IGDCC3: variants seen among roughly 807,000 people sequenced by gnomAD.
IGDCC3 encodes the protein putative neuronal cell adhesion molecule.
In IGDCC3, 47 loss-of-function variants were observed where a neutral mutation model predicts 72.0. That is an observed-to-expected ratio of 0.65 (90% CI 0.52 to 0.83). IGDCC3 has a LOEUF of 0.83. Ranked by LOEUF, IGDCC3 falls within the 40% of genes least tolerant of loss-of-function variation. The pLI is 0.00. For missense variants in IGDCC3, 1,038 were observed against 1,091.3 expected (o/e 0.95, Z 0.69); for synonymous variants, 477 against 472.8 (o/e 1.01, Z -0.11).
chr15:65,377,589 C>G lies in IGDCC3; in HGVS notation c.103+97G>C. On this transcript the variant is annotated intron_variant, in intron 1 of 13. Transcript: ENST00000327987. This position sits in a 1 kb window ranked among gnomAD's most constrained non-coding sequence, Gnocchi z 4.9. ...GCGGGGTCCGCCCTCAGGTCCGCGCCGCTCTCCCCGGGTCCGCCCCTCGCG... is the reference window on the plus strand; with the variant it reads ...GCGGGGTCCGCCCTCAGGTCCGCGCGGCTCTCCCCGGGTCCGCCCCTCGCG... The G allele has an allele frequency of 8.3e-7, 1 of 1,211,628 alleles. No individual in the cohort carries two copies. Among genetic ancestry groups the G allele is most frequent in the Non-Finnish European group, 1.0e-6 (1 of 954,194 alleles). The allele number at this position is 1,211,628 out of a possible 1,614,324, so 75.1% of individuals were successfully genotyped here.
At chr15:65,369,724 C>T (rs187692244) in intron 2 of IGDCC3, among the ~76,000 whole-genome samples, 28 of 152,190 alleles carry the variant, frequency 1.8e-4, no homozygotes, top group East Asian at 1.2e-3. Context: ...AGCAACTAAC[C>T]TCCAGGTGAT....
chr15:65,332,369 G>A lies in IGDCC3; in HGVS notation c.983-263C>T, dbSNP rs546085099. Reference sequence around the variant, plus strand: ...ATGACTATTTAAAAGACTGACATTTGTATCCGAAAGCAATCAAGCTGAACT... The same window carrying A: ...ATGACTATTTAAAAGACTGACATTTATATCCGAAAGCAATCAAGCTGAACT... On this transcript the variant is annotated intron_variant, in intron 6 of 13. Transcript: ENST00000327987. 2.6e-5 allele frequency among the ~76,000 whole-genome samples: 4 copies of A among 152,246 alleles called. No individual in the cohort carries two copies. In the South Asian group the frequency reaches 6.2e-4, roughly 24 times the overall value.
chr15:65,355,188 G>T (rs908528623), intron 2 of IGDCC3, among the ~76,000 whole-genome samples: 1 of 152,124 alleles, frequency 6.6e-6, no homozygotes, highest in Admixed American at 6.5e-5. Context: ...CCCCCGCGGG[G>T]CCCCACTGCA....
intron 1 of IGDCC3, among the ~76,000 whole-genome samples, chr15:65,376,503 C>T (rs2091359558): frequency 6.6e-6 from 1 of 152,244 alleles, no homozygotes; most frequent in South Asian, 2.1e-4. Context: ...GCTGGCCCCT[C>T]CCCAGCAGAC....
chr15:65,329,239 C>T lies in IGDCC3; in HGVS notation c.2206-91G>A. 1 of 1,513,220 alleles carries T rather than the reference C, an allele frequency of 6.6e-7. No individual in the cohort carries two copies. Among genetic ancestry groups the T allele is most frequent in the Non-Finnish European group, 8.8e-7 (1 of 1,130,844 alleles). The allele number at this position is 1,513,220 out of a possible 1,614,324, so 93.7% of individuals were successfully genotyped here. On this transcript the variant is annotated intron_variant, in intron 13 of 13. Coordinates refer to ENST00000327987, the MANE Select transcript of IGDCC3 (RefSeq NM_004884.4). The surrounding 1 kb of genome is among the most constrained non-coding windows in gnomAD (Gnocchi z 4.1). ...CACTTGGGCCTTAGGGTCTCCAGGT[C>T]TCCCTGCCTGACTCAGGGACACAAA...
intron 2 of IGDCC3, among the ~76,000 whole-genome samples, chr15:65,344,810 G>A (rs2091112808): frequency 6.6e-6 from 1 of 152,214 alleles, no homozygotes; most frequent in Admixed American, 6.5e-5. Context: ...TGGAGGGTGT[G>A]AAGTGTGCCT....
chr15:65,367,164 T>C (rs559647066), intron 2 of IGDCC3, among the ~76,000 whole-genome samples: 117 of 151,992 alleles, frequency 7.7e-4, no homozygotes, highest in African/African-American at 2.8e-3. Flanking sequence ...GCCAACATGG[T>C]GAAACCCCGT....
intron 2 of IGDCC3, among the ~76,000 whole-genome samples, chr15:65,361,388 G>A (rs924847917): frequency 4.6e-5 from 7 of 151,728 alleles, no homozygotes; most frequent in Non-Finnish European, 5.9e-5. Context: ...GCTGCAACAA[G>A]CCGCGATCGT....
intron 1 of IGDCC3, among the ~76,000 whole-genome samples, chr15:65,376,673 T>C (rs531880986): frequency 6.4e-4 from 95 of 148,660 alleles, no homozygotes; most frequent in African/African-American, 2.2e-3. Context: ...ATCGCACTTA[T>C]TCAAACCCCT....
chr15:65,370,614 G>GTGTA (rs1280197822), intron 2 of IGDCC3, among the ~76,000 whole-genome samples: 1 of 51,724 alleles, frequency 1.9e-5, no homozygotes, highest in African/African-American at 7.3e-5. Flanking sequence ...GTATATATAT[G>GTGTA]TATGTGTATA....
In IGDCC3 at chr15:65,347,937, A is replaced by AAACAAC. The variant is rs138666608; in HGVS notation, c.410-11987_410-11982dup. On this transcript the variant is annotated intron_variant, in intron 2 of 13. Transcript: ENST00000327987. ...GGCAACAAGAGCGAAATTTCATCTCAAACAACAACAACAACAACAACAACA... is the reference window on the plus strand; with the variant it reads ...GGCAACAAGAGCGAAATTTCATCTCAAACAACAACAACAACAACAACAACAACAACA... 6.6e-3 allele frequency among the ~76,000 whole-genome samples: 999 copies of AAACAAC among 150,662 alleles called. 7 individuals are homozygous for AAACAAC. The highest frequency in any genetic ancestry group is 0.018 in the African/African-American group (748 of 40,940).
chr15:65,376,724 C>G (rs1035460283), intron 1 of IGDCC3, among the ~76,000 whole-genome samples: 2 of 152,176 alleles, frequency 1.3e-5, no homozygotes, highest in Non-Finnish European at 2.9e-5. Flanking sequence ...GTCTTAGCCC[C>G]GAATCCAACC....
chr15:65,344,339 C>T (rs2091107715), intron 2 of IGDCC3, among the ~76,000 whole-genome samples: 2 of 152,160 alleles, frequency 1.3e-5, no homozygotes, highest in South Asian at 4.1e-4. Flanking sequence ...TCCTCAAGTC[C>T]TTCGCCGCCT....
intron 2 of IGDCC3, among the ~76,000 whole-genome samples, chr15:65,340,800 C>G (rs948403437): frequency 1.3e-5 from 2 of 152,202 alleles, no homozygotes; most frequent in Non-Finnish European, 2.9e-5. Context: ...GAGATCTCAG[C>G]TCACTGCAAC....
rs992328859 is a variant in IGDCC3, at chr15:65,334,780, A to T, written c.771T>A (p.Leu257=). The stretch of plus-strand genomic sequence containing the variant: ...GCGGGTTGCCCGTGGCGACACACTC[A>T]AGCACCGCGGTCTGGTGCACTGTCA... The part of the protein sequence containing the change: ...LTLTVHQTAV[L]ECVATGNPRP... Residue 257 remains leucine (L), a synonymous_variant, in exon 5 of 14, where the codon CTT becomes CTA. Transcript: ENST00000327987. The T allele has an allele frequency of 3.1e-6, 5 of 1,609,116 alleles. No homozygotes were observed.
chr15:65,333,205 AG>A, intron 6 of IGDCC3, 51 bp downstream of exon 6: 1 of 1,497,134 alleles, frequency 6.7e-7, no homozygotes, highest in Non-Finnish European at 8.9e-7. Flanking sequence ...GCTGGGAGGA[AG>A]GGACTGTGCG....
In IGDCC3 at chr15:65,377,453, G is replaced by A. The variant is rs1205911402; in HGVS notation, c.103+233C>T. ...CCTTGCTCCTCAGTCTGGGCTCCGG[G>A]TCCTGCCCCAGTCTTCCTCCGGGGG... is the stretch of plus-strand genomic sequence containing the variant. On this transcript the variant is annotated intron_variant, in intron 1 of 13. Transcript: ENST00000327987. This position sits in a 1 kb window ranked among gnomAD's most constrained non-coding sequence, Gnocchi z 4.9. Among the ~76,000 whole-genome samples, 6 of 152,110 alleles carry A rather than the reference G, an allele frequency of 3.9e-5. No homozygotes were observed. Among genetic ancestry groups the A allele is most frequent in the African/African-American group, 1.2e-4 (5 of 41,426 alleles).
In IGDCC3 at chr15:65,329,684, C is replaced by T; in HGVS notation, c.1997+42G>A. 1 of 1,613,244 alleles carries T rather than the reference C, an allele frequency of 6.2e-7. No homozygotes were observed. Among genetic ancestry groups the T allele is most frequent in the Non-Finnish European group, 8.5e-7 (1 of 1,179,488 alleles). On this transcript the variant is annotated intron_variant, in intron 12 of 13. Coordinates refer to ENST00000327987, the MANE Select transcript of IGDCC3 (RefSeq NM_004884.4). The surrounding 1 kb of genome is among the most constrained non-coding windows in gnomAD (Gnocchi z 4.1). ...CACTCACCTTCTCTAGGCCTAGTCC[C>T]CCACACACCAGCCCAGCCCCTCTCC... is the stretch of plus-strand genomic sequence containing the variant.
chr15:65,351,263 G>A (rs543077770), intron 2 of IGDCC3, among the ~76,000 whole-genome samples: 97 of 152,292 alleles, frequency 6.4e-4, no homozygotes, highest in Middle Eastern at 3.4e-3. Context: ...CCGGCTGGGC[G>A]CAGTGGCTCA....
Sources: allele counts gnomAD v4.1 joint callset (sites outside exome capture counted in the v4.1 genomes callset), GRCh38; gene constraint gnomAD v4.1.1; non-coding constraint Gnocchi (gnomAD v3.1); transcripts MANE v1.5; gene names NCBI Gene and HGNC (gene_info 2026-07-23, HGNC 2026-07-21).